Variants in RMDN1 observed in about 807,000 individuals in gnomAD.
RMDN1 encodes regulator of microtubule dynamics 1, also known as regulator of microtubule dynamics protein 1.
Under a neutral mutation model 48.9 loss-of-function variants are expected in RMDN1, and 48 were observed. That is an observed-to-expected ratio of 0.98 (90% CI 0.78 to 1.25). The LOEUF (loss-of-function observed/expected upper bound fraction) is 1.25, where lower values mean the gene tolerates loss of function less well. Ranked by LOEUF, RMDN1 falls within the 50% of genes most tolerant of loss-of-function variation. The pLI is 0.00. For missense variants in RMDN1, 418 were observed against 373.4 expected, an observed-to-expected ratio of 1.12 and a Z score of -0.98; for synonymous variants, 148 against 132.6, an observed-to-expected ratio of 1.12 and a Z score of -0.80.
At chr8:86,471,407 TAAA>T (rs1303552075), downstream of RMDN1, among the ~76,000 whole-genome samples, 2 of 151,918 alleles carry the variant, frequency 1.3e-5, no homozygotes, top group African/African-American at 2.4e-5. Flanking sequence ...AAAGTCACTC[TAAA>T]GAGAAATTGA....
intron 6 of RMDN1, among the ~76,000 whole-genome samples, chr8:86,479,374 C>A (rs1163979703): frequency 1.3e-5 from 2 of 152,044 alleles, no homozygotes; most frequent in Admixed American, 6.6e-5. Context: ...AGAAGTTAAA[C>A]CTTACACAAG....
upstream of RMDN1, chr8:86,508,810 A>G: frequency 3.9e-6 from 5 of 1,276,366 alleles, no homozygotes; most frequent in Non-Finnish European, 4.9e-6. Context: ...GGTGGGAAAT[A>G]CCCCGATTGG....
chr8:86,468,412 T>G (rs752079213), downstream of RMDN1: 58 of 449,346 alleles, frequency 1.3e-4, no homozygotes, highest in South Asian at 9.0e-4. Context: ...AACACTCTGG[T>G]AATTTTCAAG....
upstream of RMDN1, among the ~76,000 whole-genome samples, chr8:86,512,239 G>C (rs1484206453): frequency 6.6e-6 from 1 of 152,150 alleles, no homozygotes; most frequent in East Asian, 1.9e-4. Context: ...TGAAGGTTAG[G>C]TATGGATACT....
At position 86,508,666 on chromosome 8, in the gene RMDN1, G is replaced by A. The variant is rs778960899; in HGVS notation, c.-46C>T. On this transcript the variant is annotated 5_prime_UTR_variant, in exon 1 of 10. Transcript: ENST00000406452. ...ACCCTGCACTACTTCAGGCAGCTACGGAGGCGGGCGGGGCTAAAGGAGATT... is the reference window on the plus strand; with the variant it reads ...ACCCTGCACTACTTCAGGCAGCTACAGAGGCGGGCGGGGCTAAAGGAGATT... 11 of 1,540,012 alleles carry A rather than the reference G, an allele frequency of 7.1e-6. No homozygotes were observed. Among genetic ancestry groups the A allele is most frequent in the Non-Finnish European group, 2.6e-6 (3 of 1,144,620 alleles).
Position 86,484,945 on chromosome 8 carries a change from A to C in RMDN1, c.512T>G (p.Leu171Arg), listed in dbSNP as rs750684877. 12 of 1,601,430 alleles carry C rather than the reference A, an allele frequency of 7.5e-6. No individual in the cohort carries two copies. The South Asian group carries it at 1.3e-4, about 18-fold the overall frequency. The change falls in exon 5 of 10, where the codon CTT becomes CGT. Residue 171 changes from leucine to arginine, a missense_variant. Coordinates refer to ENST00000406452, the MANE Select transcript of RMDN1 (RefSeq NM_016033.3). ...FASHKWYAIC[L>R]SDVGDYEGIK... ...GCCTTCATAATCTCCAACATCACTAAGGCAGATTGCATACCACTGAAAATT... is the reference window on the plus strand; with the variant it reads ...GCCTTCATAATCTCCAACATCACTACGGCAGATTGCATACCACTGAAAATT...
At chr8:86,468,297 A>T (rs1024535031), downstream of RMDN1, 3 of 413,812 alleles carry the variant, frequency 7.2e-6, no homozygotes, top group African/African-American at 6.3e-5. Flanking sequence ...ATTTTTCTAC[A>T]TATTGAGAGT....
At chr8:86,487,273 AAATT>A (rs1815628380) in intron 3 of RMDN1, among the ~76,000 whole-genome samples, 1 of 152,222 alleles carries the variant, frequency 6.6e-6, no homozygotes, top group Non-Finnish European at 1.5e-5. Context: ...AATGGTTAAT[AAATT>A]ATTAACCACC....
At chr8:86,491,494 T>C (rs988047916) in intron 2 of RMDN1, among the ~76,000 whole-genome samples, 1 of 152,212 alleles carries the variant, frequency 6.6e-6, no homozygotes, top group Non-Finnish European at 1.5e-5. Flanking sequence ...TGAGAGCTTG[T>C]AGACAACTCC....
At chr8:86,479,076 G>GC in intron 6 of RMDN1, 66 bp from the exon 7 acceptor site, 1 of 1,163,848 alleles carries the variant, frequency 8.6e-7, no homozygotes, top group East Asian at 2.3e-5. Context: ...AGTTAACTAA[G>GC]CATCTTAATA....
chr8:86,494,369 A>G (rs1358953087), intron 2 of RMDN1, among the ~76,000 whole-genome samples: 1 of 152,112 alleles, frequency 6.6e-6, no homozygotes, highest in Non-Finnish European at 1.5e-5. Flanking sequence ...CAGCCTGGCC[A>G]ACATGGCAAA....
In RMDN1 at chr8:86,508,610, G is replaced by A. The variant is rs749309130; in HGVS notation, c.11C>T (p.Ala4Val). MALAARLWRLLPFR... is the reference protein window; with the variant it reads MALVARLWRLLPFR... ...AGGCAGAAGGCGCCACAGTCGAGCAGCCAGCGCCATGACCTGCAACTTGCG... is the reference window on the plus strand; with the variant it reads ...AGGCAGAAGGCGCCACAGTCGAGCAACCAGCGCCATGACCTGCAACTTGCG... Residue 4 changes from alanine (A) to valine (V), a missense_variant, in exon 1 of 10, where the codon GCT becomes GTT. Physicochemically the swap from Ala to Val is moderately conservative, Grantham distance 64. Transcript: ENST00000406452. The A allele has an allele frequency of 4.4e-6, 7 of 1,602,790 alleles. No individual in the cohort carries two copies. Among genetic ancestry groups the A allele is most frequent in the Admixed American group, 3.4e-5 (2 of 59,446 alleles).
chr8:86,481,972 C>A, intron 5 of RMDN1: 2 of 876,530 alleles, frequency 2.3e-6, no homozygotes, highest in Non-Finnish European at 3.7e-6. Context: ...AAGCAGAAAT[C>A]CACATGTGGA....
intron 5 of RMDN1, chr8:86,482,962 T>G: frequency 1.3e-6 from 1 of 749,972 alleles, no homozygotes; most frequent in Non-Finnish European, 2.4e-6. Flanking sequence ...CCCGGCGGAC[T>G]GTGGCAGCCG....
At chr8:86,479,168 G>C (rs1275755852) in intron 6 of RMDN1, among the ~76,000 whole-genome samples, 158 bp from the exon 7 acceptor site, 3 of 152,096 alleles carry the variant, frequency 2.0e-5, no homozygotes. Flanking sequence ...GATTGACATA[G>C]TGATCCTTTA....
chr8:86,513,068 C>A (rs1266167517), upstream of RMDN1, among the ~76,000 whole-genome samples: 1 of 138,904 alleles, frequency 7.2e-6, no homozygotes, highest in Non-Finnish European at 1.6e-5. Context: ...TTTTTTTTTT[C>A]TTATCAATTT....
chr8:86,502,256 A>G (rs894052174), intron 2 of RMDN1, among the ~76,000 whole-genome samples: 1 of 151,682 alleles, frequency 6.6e-6, no homozygotes, highest in Admixed American at 6.6e-5. Context: ...TTTTTTTTTG[A>G]GACAAGGTCT....
intron 2 of RMDN1, chr8:86,494,713 G>A (rs151298353): frequency 2.0e-3 from 445 of 219,996 alleles, no homozygotes; most frequent in African/African-American, 9.6e-3. Context: ...ATATCAGCTG[G>A]CTGTGGTGGC....
At chr8:86,484,807 A>T in intron 5 of RMDN1, 65 bp downstream of exon 5, 2 of 1,044,400 alleles carry the variant, frequency 1.9e-6, no homozygotes, top group Non-Finnish European at 2.9e-6. Flanking sequence ...TAGATAATGA[A>T]AACAAAAATC....
Sources: gnomAD v4.1 joint callset for allele counts (sites outside exome capture counted in the v4.1 genomes callset) on GRCh38, gnomAD v4.1.1 for gene constraint, MANE v1.5 for transcripts, NCBI Gene and HGNC (gene_info 2026-07-23, HGNC 2026-07-21) for gene names.